DLG1: variants seen among roughly 807,000 people sequenced by gnomAD.
DLG1 encodes the protein disks large homolog 1.
Under a neutral mutation model 123.4 loss-of-function variants are expected in DLG1, and 42 were observed. That is an observed-to-expected ratio of 0.34 (90% CI 0.27 to 0.44). The LOEUF (loss-of-function observed/expected upper bound fraction) is 0.44. Among genes scored for constraint, DLG1 ranks in the 20% least tolerant of loss-of-function variants. The pLI, the probability that DLG1 is intolerant of heterozygous loss-of-function variation, is 1.00. For synonymous variants in DLG1, 317 were observed against 356.2 expected, an observed-to-expected ratio of 0.89 and a Z score of 1.24; for missense variants, 942 against 1,082.6, an observed-to-expected ratio of 0.87 and a Z score of 1.82.
At chr3:197,293,853 T>C (rs1023765063) in intron 3 of DLG1, 10 of 153,250 alleles carry the variant, frequency 6.5e-5, no homozygotes, top group African/African-American at 2.4e-4. Flanking sequence ...CCTGTTCTCC[T>C]TTAATCCAGT....
At chr3:197,297,283 T>G in intron 1 of DLG1, 48 bp from the exon 2 acceptor site, 2 of 1,605,324 alleles carry the variant, frequency 1.2e-6, no homozygotes, top group Non-Finnish European at 1.7e-6. Context: ...CATGTTAAAC[T>G]AGCATTTTCC....
At chr3:197,247,030 C>T (rs867970120) in intron 4 of DLG1, among the ~76,000 whole-genome samples, 1 of 152,194 alleles carries the variant, frequency 6.6e-6, no homozygotes, top group Admixed American at 6.5e-5. Flanking sequence ...TCAATTTGAT[C>T]TGCAGTCCCA....
At chr3:197,284,149 G>C (rs338178) in intron 3 of DLG1, among the ~76,000 whole-genome samples, 113,356 of 151,980 alleles carry the variant, frequency 0.75, 42,352 homozygotes, top group East Asian at 0.82. Flanking sequence ...GTGTGAGCCA[G>C]TGCACCCAGC....
rs769032600 is a variant in DLG1, at chr3:197,271,122, C to T, written c.318+11557G>A. On this transcript the variant is annotated intron_variant, in intron 4 of 24. Transcript: ENST00000667157. ...TCCAACAGTCACCCCCAGATCTTCACACCTACCTTTCATCCTGAGCAGCCC... is the reference window on the plus strand; with the variant it reads ...TCCAACAGTCACCCCCAGATCTTCATACCTACCTTTCATCCTGAGCAGCCC... Among the ~76,000 whole-genome samples, 19 of 152,288 alleles carry T rather than the reference C, an allele frequency of 1.2e-4. 1 individual carries two copies. Among genetic ancestry groups the T allele is most frequent in the Middle Eastern group, 3.4e-3 (1 of 294 alleles).
intron 3 of DLG1, among the ~76,000 whole-genome samples, chr3:197,290,897 T>TAA (rs34807556): frequency 4.5e-3 from 400 of 87,948 alleles, no homozygotes; most frequent in African/African-American, 6.1e-3. Context: ...CTCCAAATAG[T>TAA]AAAAAAAAAA....
chr3:197,249,927 C>T (rs1257917804), intron 4 of DLG1, among the ~76,000 whole-genome samples: 1 of 152,042 alleles, frequency 6.6e-6, no homozygotes, highest in Non-Finnish European at 1.5e-5. Context: ...ATTAAAAGGG[C>T]CATATATAAT....
chr3:197,292,949 A>C (rs1430363888), intron 3 of DLG1, among the ~76,000 whole-genome samples: 1 of 152,198 alleles, frequency 6.6e-6, no homozygotes, highest in Non-Finnish European at 1.5e-5. Flanking sequence ...ACTGGTATGA[A>C]GTCTCTATGG....
At chr3:197,279,468 T>C (rs1768109559) in intron 4 of DLG1, among the ~76,000 whole-genome samples, 1 of 152,190 alleles carries the variant, frequency 6.6e-6, no homozygotes, top group African/African-American at 2.4e-5. Flanking sequence ...TAGAGTCTAT[T>C]CATGAATATG....
intron 4 of DLG1, among the ~76,000 whole-genome samples, chr3:197,231,231 T>C (rs1742824682): frequency 6.6e-6 from 1 of 151,764 alleles, no homozygotes; most frequent in South Asian, 2.1e-4. Context: ...TGTGGTTTGC[T>C]TATTTGCTGT....
At chr3:197,272,669 G>A (rs987332624) in intron 4 of DLG1, among the ~76,000 whole-genome samples, 1 of 152,190 alleles carries the variant, frequency 6.6e-6, no homozygotes, top group Non-Finnish European at 1.5e-5. Flanking sequence ...TCATACAACA[G>A]TAAGGATGAA....
chr3:197,149,937 C>A, intron 5 of DLG1, 141 bp from the exon 6 acceptor site: 1 of 597,998 alleles, frequency 1.7e-6, no homozygotes, highest in Non-Finnish European at 3.0e-6. Flanking sequence ...AATAATATAT[C>A]CTTTCTCCAG....
At chr3:197,288,986 A>G (rs1379836466) in intron 3 of DLG1, among the ~76,000 whole-genome samples, 1 of 152,142 alleles carries the variant, frequency 6.6e-6, no homozygotes, top group Admixed American at 6.5e-5. Flanking sequence ...TCCTTTAGGT[A>G]GTCTGAGTTT....
At chr3:197,080,997 T>C (rs758922610) in intron 17 of DLG1, 54 bp downstream of exon 17, 32 of 1,513,318 alleles carry the variant, frequency 2.1e-5, no homozygotes, top group Admixed American at 8.8e-5. Context: ...CTTTTCATTT[T>C]AACAATGTAG....
chr3:197,231,229 G>T (rs1051601179), intron 4 of DLG1, among the ~76,000 whole-genome samples: 4 of 146,860 alleles, frequency 2.7e-5, no homozygotes, highest in African/African-American at 1.0e-4. Flanking sequence ...GCTGTGGTTT[G>T]CTTATTTGCT....
intron 4 of DLG1, among the ~76,000 whole-genome samples, chr3:197,271,287 T>C (rs183242810): frequency 1.8e-3 from 271 of 152,350 alleles, no homozygotes; most frequent in Non-Finnish European, 3.3e-3. Context: ...TAGAAGCCAG[T>C]AGATAAATTC....
chr3:197,273,295 T>A (rs1764770721), intron 4 of DLG1, among the ~76,000 whole-genome samples: 1 of 151,878 alleles, frequency 6.6e-6, no homozygotes. Context: ...CCAGCCAGGC[T>A]GGAAGACAGT....
intron 5 of DLG1, among the ~76,000 whole-genome samples, chr3:197,188,941 C>G (rs182660987): frequency 7.2e-5 from 11 of 152,196 alleles, no homozygotes; most frequent in Non-Finnish European, 1.3e-4. Flanking sequence ...TGCTCACCTG[C>G]TCCAAATCTA....
chr3:197,119,786 T>C (rs1176684815), intron 11 of DLG1, among the ~76,000 whole-genome samples: 2 of 152,130 alleles, frequency 1.3e-5, no homozygotes, highest in Non-Finnish European at 2.9e-5. Flanking sequence ...CCCAGATTAC[T>C]TAAAGAATTA....
intron 4 of DLG1, among the ~76,000 whole-genome samples, chr3:197,263,998 C>T (rs1358439833): frequency 2.0e-5 from 3 of 152,026 alleles, no homozygotes; most frequent in African/African-American, 7.2e-5. Context: ...AGAAGTTTGC[C>T]AACTCAATTA....
Sources: allele counts gnomAD v4.1 joint callset (sites outside exome capture counted in the v4.1 genomes callset), GRCh38; gene constraint gnomAD v4.1.1; transcripts MANE v1.5; gene names NCBI Gene and HGNC (gene_info 2026-07-23, HGNC 2026-07-21).